Variants in COL19A1 observed in about 807,000 individuals in gnomAD.
The protein encoded by COL19A1 is collagen type XIX alpha 1 chain, also known as collagen alpha-1(XIX) chain.
COL19A1 carries 159 observed loss-of-function variants against 190.2 expected under a neutral mutation model. The ratio of observed to expected loss-of-function variants is 0.84; its 90% CI spans 0.73 to 0.95. COL19A1 has a LOEUF of 0.95. COL19A1 is among the 40% of genes least tolerant of loss of function. The pLI is 0.00. For synonymous variants in COL19A1, 509 were observed against 458.9 expected (o/e 1.11, Z -1.39); for missense variants, 1,418 against 1,431.9 (o/e 0.99, Z 0.16).
At chr6:69,929,343 C>T in intron 5 of COL19A1, 82 bp from the exon 6 acceptor site, 1 of 1,319,362 alleles carries the variant, frequency 7.6e-7, no homozygotes. Context: ...TACTAATATG[C>T]ATCTTGAGCT....
chr6:70,059,084 T>A (rs76545095), intron 14 of COL19A1, among the ~76,000 whole-genome samples: 204 of 152,208 alleles, frequency 1.3e-3, no homozygotes, highest in African/African-American at 4.9e-3. Context: ...TACATTCTAT[T>A]TGAAACACAG....
chr6:70,135,024 C>A (rs1314964158), intron 18 of COL19A1, among the ~76,000 whole-genome samples: 1 of 152,148 alleles, frequency 6.6e-6, no homozygotes, highest in African/African-American at 2.4e-5. Context: ...CCTTATGACC[C>A]CGTCCGCGGC....
chr6:69,921,514 G>GTATATTCATATATTCATATATATTCA, intron 4 of COL19A1, among the ~76,000 whole-genome samples: 1 of 17,490 alleles, frequency 5.7e-5, no homozygotes, highest in South Asian at 2.2e-3. Flanking sequence ...ATATTCATAT[G>GTATATTCATATATTCATATATATTCA]TATATTCATA....
chr6:70,206,246 G>C (rs974422763), intron 49 of COL19A1, among the ~76,000 whole-genome samples: 5 of 152,120 alleles, frequency 3.3e-5, no homozygotes, highest in Admixed American at 3.3e-4. Context: ...AATTCCTACT[G>C]AAGAGGGCTC....
intron 31 of COL19A1, among the ~76,000 whole-genome samples, chr6:70,154,905 C>T (rs117311552): frequency 0.018 from 2,750 of 152,216 alleles, 92 homozygotes; most frequent in East Asian, 0.14. Flanking sequence ...TTATTCTAGC[C>T]GAGCTGGCAC....
chr6:70,141,584 A>G (rs76112528), intron 20 of COL19A1, among the ~76,000 whole-genome samples: 113 of 152,204 alleles, frequency 7.4e-4, no homozygotes, highest in African/African-American at 2.6e-3. Flanking sequence ...ACATGAGATT[A>G]GTTGGTGTCA....
intron 16 of COL19A1, among the ~76,000 whole-genome samples, chr6:70,116,886 C>G (rs551706998): frequency 1.7e-3 from 254 of 152,262 alleles, no homozygotes; most frequent in South Asian, 4.6e-3. Context: ...TGAAAACCCA[C>G]AGGGCCAAAA....
chr6:70,199,465 C>T, intron 48 of COL19A1, 143 bp from the exon 49 acceptor site: 1 of 566,252 alleles, frequency 1.8e-6, no homozygotes, highest in Non-Finnish European at 2.7e-6. Context: ...TCAAAAAACT[C>T]AGCAGTCAGA....
chr6:70,020,312 C>T (rs1778347956), intron 11 of COL19A1, among the ~76,000 whole-genome samples: 1 of 151,906 alleles, frequency 6.6e-6, no homozygotes, highest in African/African-American at 2.4e-5. Context: ...GTATTTTTGC[C>T]TTACAGGTTC....
intron 18 of COL19A1, among the ~76,000 whole-genome samples, chr6:70,136,206 AT>A (rs1256778881): frequency 3.3e-5 from 5 of 152,220 alleles, no homozygotes; most frequent in Non-Finnish European, 7.4e-5. Context: ...CAAGACATGG[AT>A]TAGGATATAC....
intron 4 of COL19A1, among the ~76,000 whole-genome samples, chr6:69,910,888 CTAAT>C (rs1770868712): frequency 6.6e-6 from 1 of 152,102 alleles, no homozygotes; most frequent in African/African-American, 2.4e-5. Context: ...TATTTGAGGA[CTAAT>C]TAGTTATTAT....
At chr6:69,962,647 T>G (rs1774870963) in intron 10 of COL19A1, among the ~76,000 whole-genome samples, 179 bp from the exon 11 acceptor site, 1 of 152,196 alleles carries the variant, frequency 6.6e-6, no homozygotes, top group Non-Finnish European at 1.5e-5. Context: ...AAATTGTTCC[T>G]TTAGTATTTA....
In COL19A1 at chr6:70,147,169, C is replaced by G. The variant is rs546404366; in HGVS notation, c.1893+280C>G. Among the ~76,000 whole-genome samples the G allele has an allele frequency of 2.8e-3, 427 of 152,186 alleles. 4 individuals carry two copies. The highest frequency in any genetic ancestry group is 0.01 in the African/African-American group (419 of 41,522). On this transcript the variant is annotated intron_variant, in intron 27 of 50. Coordinates refer to ENST00000620364, the MANE Select transcript of COL19A1 (RefSeq NM_001858.6). Reference sequence around the variant, plus strand: ...CCTCTATTCTATATATTAAAAAGCACAAATACATGTTTGTAAGATAGTAAG... The same window carrying G: ...CCTCTATTCTATATATTAAAAAGCAGAAATACATGTTTGTAAGATAGTAAG...
chr6:69,894,830 A>G (rs189751916), intron 2 of COL19A1, among the ~76,000 whole-genome samples: 1 of 152,354 alleles, frequency 6.6e-6, no homozygotes, highest in East Asian at 1.9e-4. Flanking sequence ...CCACAGCCCA[A>G]GACTAGCCCC....
At chr6:70,024,613 GT>G (rs1778629569) in intron 12 of COL19A1, among the ~76,000 whole-genome samples, 2 of 130,820 alleles carry the variant, frequency 1.5e-5, no homozygotes, top group African/African-American at 2.7e-5. Context: ...GTGTGTGTGT[GT>G]GGGTGTGTGG....
rs373348093 is a variant in COL19A1 at position 69,957,665 on chromosome 6, A to T, written c.937-2331A>T. The stretch of plus-strand genomic sequence containing the variant: ...TAAAGTATTGATTGGAAGCCAAAGA[A>T]GAAGCATCTTATTTCTTCTTGGACT... On this transcript the variant is annotated intron_variant, in intron 9 of 50. Coordinates refer to ENST00000620364, the MANE Select transcript of COL19A1 (RefSeq NM_001858.6). Among the ~76,000 whole-genome samples the T allele has an allele frequency of 5.3e-5, 8 of 152,342 alleles. No individual in the cohort carries two copies. In the South Asian group the frequency reaches 1.7e-3, roughly 32 times the overall value.
chr6:70,168,712 A>G (rs1425250979), intron 40 of COL19A1, 31 bp downstream of exon 40: 2 of 1,610,440 alleles, frequency 1.2e-6, no homozygotes, highest in African/African-American at 2.7e-5. Flanking sequence ...TGTGTCATTT[A>G]GAATATTGGT....
chr6:70,017,280 A>G (rs1261431453), intron 11 of COL19A1, among the ~76,000 whole-genome samples: 1 of 152,140 alleles, frequency 6.6e-6, no homozygotes, highest in African/African-American at 2.4e-5. Context: ...GAAAAAAGCA[A>G]AACTATAGAG....
chr6:69,904,818 G>C (rs918276437), intron 4 of COL19A1, among the ~76,000 whole-genome samples: 5 of 152,180 alleles, frequency 3.3e-5, no homozygotes, highest in Non-Finnish European at 7.4e-5. Context: ...CTCACCCCCG[G>C]TTCTGCTACA....
Sources: gnomAD v4.1 joint callset for allele counts (sites outside exome capture counted in the v4.1 genomes callset) on GRCh38, gnomAD v4.1.1 for gene constraint, MANE v1.5 for transcripts, NCBI Gene and HGNC (gene_info 2026-07-23, HGNC 2026-07-21) for gene names.